TBC1D21: variants seen among roughly 807,000 people sequenced by gnomAD.
The protein encoded by TBC1D21 is male germ cell Rab GTPase-activating protein.
TBC1D21 carries 38 observed loss-of-function variants against 46.0 expected under a neutral mutation model. The ratio of observed to expected loss-of-function variants is 0.83; its 90% CI spans 0.64 to 1.08. TBC1D21 has a LOEUF of 1.08. Ranked by LOEUF, TBC1D21 falls within the 50% of genes least tolerant of loss-of-function variation. TBC1D21 has a pLI of 0.00. For missense variants in TBC1D21, 415 were observed against 417.9 expected (o/e 0.99, Z 0.06); for synonymous variants, 151 against 157.2 (o/e 0.96, Z 0.29).
In TBC1D21 at chr15:73,877,149, C is replaced by T. The variant is rs376316640; in HGVS notation, c.60+3380C>T. On this transcript the variant is annotated intron_variant, in intron 1 of 10. Coordinates refer to ENST00000300504, the MANE Select transcript of TBC1D21 (RefSeq NM_153356.3). ...GTGCTTAGAACAGTGTCTGGCACAT[C>T]ATCAATTGCTTTTTAATGTTTACAG... 3.9e-5 allele frequency among the ~76,000 whole-genome samples: 6 copies of T among 152,186 alleles called. No homozygotes were observed. In the East Asian group the frequency reaches 9.6e-4, roughly 24 times the overall value.
downstream of TBC1D21, among the ~76,000 whole-genome samples, chr15:73,891,854 G>A (rs913627695): frequency 6.6e-5 from 10 of 152,250 alleles, no homozygotes; most frequent in Non-Finnish European, 7.3e-5. Flanking sequence ...AGGATGGCTC[G>A]GCATGGGCCT....
chr15:73,887,652 C>T lies in TBC1D21; in HGVS notation c.810C>T (p.Phe270=). The T allele has an allele frequency of 6.2e-7, 1 of 1,614,116 alleles. No individual in the cohort carries two copies. The highest frequency in any genetic ancestry group is 1.1e-5 in the South Asian group (1 of 91,084). Residue 270 remains phenylalanine, a synonymous_variant, in exon 9 of 11, where the codon TTC becomes TTT. Transcript: ENST00000300504. The part of the protein sequence containing the change: ...VLLTGKPCRN[F]QVLVAYSMLQ... Reference sequence around the variant, plus strand: ...TGACGGGGAAGCCCTGCAGGAACTTCCAGGTGCTGGTGGCCTACAGCATGC... The same window carrying T: ...TGACGGGGAAGCCCTGCAGGAACTTTCAGGTGCTGGTGGCCTACAGCATGC...
At chr15:73,889,450 G>A (rs549056077), downstream of TBC1D21, among the ~76,000 whole-genome samples, 1 of 152,332 alleles carries the variant, frequency 6.6e-6, no homozygotes, top group South Asian at 2.1e-4. Context: ...GCTCTGAAAG[G>A]CTTCCAGACC....
At chr15:73,886,343 CA>C in intron 7 of TBC1D21, among the ~76,000 whole-genome samples, 168 bp from the exon 8 acceptor site, 1 of 152,182 alleles carries the variant, frequency 6.6e-6, no homozygotes, top group East Asian at 1.9e-4. Context: ...GGAGCCTGGA[CA>C]GTTGAAAGTT....
At chr15:73,879,454 G>A (rs1248029757) in intron 1 of TBC1D21, among the ~76,000 whole-genome samples, 2 of 152,156 alleles carry the variant, frequency 1.3e-5, no homozygotes, top group South Asian at 2.1e-4. Context: ...CTGACCTCAA[G>A]TGATCTGCCA....
intron 1 of TBC1D21, among the ~76,000 whole-genome samples, chr15:73,875,000 A>C (rs1304576506): frequency 6.6e-6 from 1 of 152,112 alleles, no homozygotes; most frequent in Non-Finnish European, 1.5e-5. Context: ...TAATCCCAGC[A>C]CTTTGGGAGG....
chr15:73,879,212 T>G (rs2068111950), intron 1 of TBC1D21, among the ~76,000 whole-genome samples: 1 of 152,196 alleles, frequency 6.6e-6, no homozygotes, highest in South Asian at 2.1e-4. Context: ...ATTTATTTAT[T>G]TATCTATTTA....
rs2068260657 is a variant in TBC1D21 at position 73,887,000 on chromosome 15, ACT to A, written c.777+394_777+395del. 2.6e-5 allele frequency among the ~76,000 whole-genome samples: 4 copies of A among 151,228 alleles called. No individual in the cohort carries two copies. The South Asian group carries it at 8.4e-4, about 32-fold the overall frequency. On this transcript the variant is annotated intron_variant, in intron 8 of 10. Transcript: ENST00000300504. ...TTCCCCAGAGTGCTGCTCCTGTGGA[ACT>A]CTCTCACAGAAGGTGGGTCCCTAAG...
In TBC1D21 at chr15:73,888,366, C is replaced by T. The variant is rs956008390; in HGVS notation, c.895-64C>T. ...TGGGTGCTGCAGGCAGCTGCATGTG[C>T]CCAAGAGTGCTGGGAGATGTTTGCC... On this transcript the variant is annotated intron_variant, in intron 9 of 10. Transcript: ENST00000300504. The T allele has an allele frequency of 2.8e-5, 40 of 1,412,596 alleles. No homozygotes were observed. In the East Asian group the frequency reaches 5.4e-4, roughly 19 times the overall value. 87.5% of individuals were successfully genotyped at this position (1,412,596 alleles called of 1,614,324 possible).
At chr15:73,890,610 C>A (rs1170741311), downstream of TBC1D21, among the ~76,000 whole-genome samples, 2 of 152,204 alleles carry the variant, frequency 1.3e-5, no homozygotes, top group East Asian at 3.8e-4. Flanking sequence ...GGGAAGAGAA[C>A]AATCAATAGA....
the TBC1D21 span, among the ~76,000 whole-genome samples, chr15:73,896,458 T>C: frequency 3.3e-5 from 5 of 151,778 alleles, no homozygotes; most frequent in South Asian, 1.0e-3. Context: ...ATGAAGGTCA[T>C]TGTAGTGACC....
At chr15:73,908,255 A>C in the TBC1D21 span, 1 of 152,314 alleles carries the variant, frequency 6.6e-6, no homozygotes, top group Non-Finnish European at 1.5e-5. Flanking sequence ...ACACAGGAAC[A>C]CATGAAGCCA....
chr15:73,876,225 T>TTTTTTTTTTTGTTTG (rs2068063320), intron 1 of TBC1D21, among the ~76,000 whole-genome samples: 1 of 59,008 alleles, frequency 1.7e-5, no homozygotes, highest in Non-Finnish European at 3.1e-5. Flanking sequence ...TTTTTTTTTT[T>TTTTTTTTTTTGTTTG]TTTTTTTTTT....
rs1201932431 is a variant in TBC1D21 at position 73,887,638 on chromosome 15, C to A, written c.796C>A (p.Pro266Thr). The A allele has an allele frequency of 6.2e-7, 1 of 1,613,854 alleles. No homozygotes were observed. The change falls in exon 9 of 11, where the codon CCC becomes ACC. Residue 266 changes from proline (P) to threonine (T), a missense_variant. Transcript: ENST00000300504. ...RLWEVLLTGK[P>T]CRNFQVLVAY... The stretch of plus-strand genomic sequence containing the variant: ...CCCACAGGTTCTGCTGACGGGGAAG[C>A]CCTGCAGGAACTTCCAGGTGCTGGT...
chr15:73,884,885 C>T lies in TBC1D21; in HGVS notation c.472C>T (p.Gln158Ter). Reference sequence around the variant, plus strand: ...GCTCCTGAGTTACGTCTGCAACACGCAGGCAGGTGAGCCTCAGCCTCCCCT... The same window carrying T: ...GCTCCTGAGTTACGTCTGCAACACGTAGGCAGGTGAGCCTCAGCCTCCCCT... ...ILLLSYVCNT[Q>*]AEYQQGFHEM... Residue 158 changes from glutamine (Q) to a stop codon, truncating the protein, a stop_gained, in exon 5 of 11, where the codon CAG becomes TAG. Transcript: ENST00000300504. LOFTEE classifies it high-confidence loss of function. 1 of 1,613,950 alleles carries T rather than the reference C, an allele frequency of 6.2e-7. No individual in the cohort carries two copies. Among genetic ancestry groups the T allele is most frequent in the East Asian group, 2.2e-5 (1 of 44,880 alleles).
the TBC1D21 span, among the ~76,000 whole-genome samples, chr15:73,901,986 T>C: frequency 2.0e-5 from 3 of 152,074 alleles, no homozygotes; most frequent in African/African-American, 7.2e-5. Flanking sequence ...TAATTGTTTT[T>C]ATTTTTTTGT....
chr15:73,889,282 C>T (rs1023040052), downstream of TBC1D21: 10 of 674,158 alleles, frequency 1.5e-5, no homozygotes, highest in African/African-American at 1.1e-4. Context: ...GAGACAGGGT[C>T]GTACGATAGG....
At chr15:73,888,611 C>T in intron 10 of TBC1D21, 98 bp downstream of exon 10, 2 of 793,324 alleles carry the variant, frequency 2.5e-6, no homozygotes, top group Non-Finnish European at 4.2e-6. Flanking sequence ...TCCTCTTCTT[C>T]CTCCTCCTCC....
chr15:73,881,686 A>C lies in TBC1D21; in HGVS notation c.211A>C (p.Thr71Pro). The stretch of plus-strand genomic sequence containing the variant: ...GAGGACTGAAGCCTGGAAATTCCTC[A>C]CGGGCTACTTCTCATGGCAGAGTTC... ...FVRTEAWKFL[T>P]GYFSWQSSQD... Residue 71 changes from threonine to proline, a missense_variant, in exon 3 of 11, where the codon ACG (threonine) becomes CCG (proline). Thr to Pro is a conservative substitution (Grantham distance 38, BLOSUM62 -1). Transcript: ENST00000300504. 1 of 1,612,008 alleles carries C rather than the reference A, an allele frequency of 6.2e-7. No homozygotes were observed. The highest frequency in any genetic ancestry group is 8.5e-7 in the Non-Finnish European group (1 of 1,179,514).
Sources: allele counts gnomAD v4.1 joint callset (sites outside exome capture counted in the v4.1 genomes callset), GRCh38; gene constraint gnomAD v4.1.1; transcripts MANE v1.5; gene names NCBI Gene and HGNC (gene_info 2026-07-23, HGNC 2026-07-21).